Variants in ZNF148 observed in about 807,000 individuals in gnomAD.
The protein encoded by ZNF148 is zinc finger protein 148.
A neutral mutation model predicts 67.7 loss-of-function variants in ZNF148; 7 were observed. That is an observed-to-expected ratio of 0.10 (90% CI 0.06 to 0.19). The LOEUF is 0.19. Among genes scored for constraint, ZNF148 ranks in the 10% least tolerant of loss-of-function variants. The probability of loss-of-function intolerance (pLI) is 1.00; values close to 1 mark genes in which losing one functional copy is unlikely to be tolerated. For synonymous variants in ZNF148, 333 were observed against 330.7 expected (o/e 1.01, Z -0.08); for missense variants, 583 against 947.1 (o/e 0.62, Z 5.05).
chr3:125,287,504 T>A (rs1938726553), intron 5 of ZNF148, among the ~76,000 whole-genome samples: 1 of 152,278 alleles, frequency 6.6e-6, no homozygotes, highest in South Asian at 2.1e-4. Context: ...CCAGGCATGT[T>A]GGCACATGCC....
chr3:125,303,743 C>T (rs1252088453), intron 4 of ZNF148, among the ~76,000 whole-genome samples: 4 of 151,854 alleles, frequency 2.6e-5, no homozygotes, highest in African/African-American at 9.7e-5. Flanking sequence ...AAATAAAGTG[C>T]ACAATACATG....
chr3:125,233,847 G>C lies in ZNF148; in HGVS notation c.879C>G (p.Gly293=). The C allele has an allele frequency of 6.2e-7, 1 of 1,613,478 alleles. No homozygotes were observed. ...CAGAATCTTCCTCAGATGTCAGAAG[G>C]CCACCTTTGATGGCACATCTATTTA... The part of the protein sequence containing the change: ...KKLNRCAIKG[G]LLTSEEDSGF... The change falls in exon 9 of 9, where the codon GGC becomes GGG. Residue 293 remains glycine (G), a synonymous_variant. Coordinates refer to ENST00000360647, the MANE Select transcript of ZNF148 (RefSeq NM_021964.3). The surrounding 1 kb of genome is among the most constrained non-coding windows in gnomAD (Gnocchi z 5.1).
intron 1 of ZNF148, among the ~76,000 whole-genome samples, chr3:125,358,714 C>G (rs956726814): frequency 6.6e-6 from 1 of 152,138 alleles, no homozygotes; most frequent in African/African-American, 2.4e-5. Flanking sequence ...ACAACCTAAT[C>G]AAATAAACAA....
At chr3:125,305,117 T>G (rs1939804122) in intron 4 of ZNF148, among the ~76,000 whole-genome samples, 1 of 152,194 alleles carries the variant, frequency 6.6e-6, no homozygotes, top group East Asian at 1.9e-4. Context: ...AAGGAATAAC[T>G]TTATAGCAGC....
intron 7 of ZNF148, among the ~76,000 whole-genome samples, chr3:125,245,327 C>CTGCTTT (rs1183458281): frequency 6.6e-6 from 1 of 152,204 alleles, no homozygotes; most frequent in African/African-American, 2.4e-5. Flanking sequence ...CGAGATCTGA[C>CTGCTTT]TGCTTTCTAA....
intron 4 of ZNF148, chr3:125,311,486 T>C (rs1468244102): frequency 6.6e-6 from 1 of 152,186 alleles, no homozygotes. Flanking sequence ...TTTCTTATGA[T>C]CAAAGAAAAG....
At chr3:125,327,589 G>A (rs891664139) in intron 2 of ZNF148, among the ~76,000 whole-genome samples, 2 of 152,206 alleles carry the variant, frequency 1.3e-5, no homozygotes, top group Non-Finnish European at 2.9e-5. Context: ...GGGAGCCTGA[G>A]GTGGATGGAT....
intron 2 of ZNF148, among the ~76,000 whole-genome samples, chr3:125,328,800 A>C (rs1941140710): frequency 6.6e-6 from 1 of 152,096 alleles, no homozygotes; most frequent in African/African-American, 2.4e-5. Context: ...ATAAGAAAAG[A>C]AAAGCTAATC....
intron 4 of ZNF148, among the ~76,000 whole-genome samples, chr3:125,312,858 G>A (rs1940290574): frequency 6.6e-6 from 1 of 152,020 alleles, no homozygotes; most frequent in Non-Finnish European, 1.5e-5. Flanking sequence ...ACTTTAAAAA[G>A]ATAAACAGAT....
At chr3:125,288,915 C>A (rs542989329) in intron 4 of ZNF148, among the ~76,000 whole-genome samples, 1 of 152,122 alleles carries the variant, frequency 6.6e-6, no homozygotes, top group Non-Finnish European at 1.5e-5. Context: ...CTAGAAGAAA[C>A]ATTAAGATTT....
intron 1 of ZNF148, among the ~76,000 whole-genome samples, chr3:125,340,425 T>C (rs1022055473): frequency 3.3e-5 from 5 of 151,652 alleles, no homozygotes; most frequent in Non-Finnish European, 5.9e-5. Context: ...GTGGCTCAGG[T>C]TGGGCCAAGA....
chr3:125,284,509 G>C (rs1223035683), intron 5 of ZNF148, among the ~76,000 whole-genome samples: 2 of 152,128 alleles, frequency 1.3e-5, no homozygotes, highest in African/African-American at 2.4e-5. Flanking sequence ...GATTTGCAGG[G>C]TCAGGTGGAT....
rs547889435 is a variant in ZNF148, at chr3:125,232,196, T to C, written c.*145A>G. 1.4e-3 allele frequency: 1,337 copies of C among 975,390 alleles called. 3 individuals carry two copies. The highest frequency in any genetic ancestry group is 1.8e-3 in the Non-Finnish European group (1,249 of 697,072). The allele number at this position is 975,390 out of a possible 1,614,324, so 60.4% of individuals were successfully genotyped here. A position where few individuals can be genotyped will look rare whatever the true frequency, so the allele number is the denominator to read the frequency against. On this transcript the variant is annotated 3_prime_UTR_variant, in exon 9 of 9. Transcript: ENST00000360647. This position sits in a 1 kb window ranked among gnomAD's most constrained non-coding sequence, Gnocchi z 4.2. ...TGACTAACCAAACGAAATGCAGTTATTGGATTATCTTGCTATTCATATCAG... is the reference window on the plus strand; with the variant it reads ...TGACTAACCAAACGAAATGCAGTTACTGGATTATCTTGCTATTCATATCAG...
At chr3:125,298,290 T>C (rs988924556) in intron 4 of ZNF148, among the ~76,000 whole-genome samples, 4 of 150,512 alleles carry the variant, frequency 2.7e-5, no homozygotes, top group African/African-American at 7.3e-5. Flanking sequence ...CTTTTCTGTA[T>C]AAATGTTACA....
chr3:125,371,020 A>C (rs1433791434), intron 1 of ZNF148, among the ~76,000 whole-genome samples: 1 of 152,068 alleles, frequency 6.6e-6, no homozygotes, highest in African/African-American at 2.4e-5. Context: ...CCCAAAAAAC[A>C]CATGTATATG....
intron 5 of ZNF148, among the ~76,000 whole-genome samples, chr3:125,280,775 A>AG (rs34093385): frequency 6.7e-6 from 1 of 149,154 alleles, no homozygotes; most frequent in Admixed American, 6.6e-5. Flanking sequence ...AAAAAAAAAA[A>AG]GGCACAACAT....
chr3:125,328,722 T>A (rs575215699), intron 2 of ZNF148, among the ~76,000 whole-genome samples: 1 of 152,050 alleles, frequency 6.6e-6, no homozygotes. Context: ...GCAAAGCACA[T>A]GACCAAATTG....
chr3:125,287,052 A>C (rs949469699), intron 5 of ZNF148, among the ~76,000 whole-genome samples: 1 of 152,192 alleles, frequency 6.6e-6, no homozygotes, highest in Non-Finnish European at 1.5e-5. Flanking sequence ...TTGGCAACTA[A>C]TTTGCAAATG....
chr3:125,289,395 A>AT (rs1197188064), intron 4 of ZNF148, among the ~76,000 whole-genome samples: 3 of 152,214 alleles, frequency 2.0e-5, no homozygotes, highest in Non-Finnish European at 4.4e-5. Context: ...GAGAATCACA[A>AT]ATCAAGAACC....
Sources: gnomAD v4.1 joint callset for allele counts (sites outside exome capture counted in the v4.1 genomes callset) on GRCh38, gnomAD v4.1.1 for gene constraint, Gnocchi (gnomAD v3.1) non-coding constraint, MANE v1.5 for transcripts, NCBI Gene and HGNC (gene_info 2026-07-23, HGNC 2026-07-21) for gene names.